Variants in LAMB1 observed in about 807,000 individuals in gnomAD.
The protein encoded by LAMB1 is laminin subunit beta-1.
Under a neutral mutation model 222.3 loss-of-function variants are expected in LAMB1, and 121 were observed. That is an observed-to-expected ratio of 0.54 (90% CI 0.47 to 0.63). LAMB1 has a LOEUF of 0.63. Ranked by LOEUF, LAMB1 falls within the 30% of genes least tolerant of loss-of-function variation. The pLI is 0.00. For synonymous variants in LAMB1, 794 were observed against 807.2 expected (o/e 0.98, Z 0.28); for missense variants, 2,172 against 2,240.8 (o/e 0.97, Z 0.62).
intron 31 of LAMB1, among the ~76,000 whole-genome samples, chr7:107,927,298 G>C (rs895891198): frequency 1.3e-5 from 2 of 152,168 alleles, no homozygotes; most frequent in African/African-American, 4.8e-5. Flanking sequence ...AGTTTAGTTA[G>C]AGGTTCTCTT....
intron 24 of LAMB1, among the ~76,000 whole-genome samples, chr7:107,945,656 C>A (rs1050942927): frequency 6.6e-5 from 10 of 152,254 alleles, no homozygotes; most frequent in African/African-American, 2.4e-4. Flanking sequence ...GATCCCAGTT[C>A]TTTCCTCACT....
At chr7:107,936,408 GAAA>G (rs976900798) in intron 26 of LAMB1, 29 of 152,242 alleles carry the variant, frequency 1.9e-4, no homozygotes, top group African/African-American at 6.7e-4. Context: ...GAGAGAAAAA[GAAA>G]GAAGTATATA....
intron 2 of LAMB1, chr7:108,002,029 G>C: frequency 6.9e-7 from 1 of 1,445,234 alleles, no homozygotes; most frequent in Non-Finnish European, 9.1e-7. Flanking sequence ...ATCAGCCCCG[G>C]GGAGCAGCTC....
At chr7:107,958,804 T>C (rs2033431269) in intron 20 of LAMB1, among the ~76,000 whole-genome samples, 1 of 152,206 alleles carries the variant, frequency 6.6e-6, no homozygotes, top group African/African-American at 2.4e-5. Flanking sequence ...AGGCATGTTT[T>C]ATAGAGTCTC....
Position 107,980,680 on chromosome 7 carries a change from T to C in LAMB1, c.808A>G (p.Asn270Asp), listed in dbSNP as rs1410324955. The stretch of plus-strand genomic sequence containing the variant: ...CTGGCATGACCATAGCAGAAGCAAT[T>C]TCCTCGAACCACCATATCATAAACT... ...YAVYDMVVRG[N>D]CFCYGHASEC... is the part of the protein sequence containing the mutation. The change falls in exon 8 of 34, where the codon AAT becomes GAT. Residue 270 changes from asparagine to aspartate, a missense_variant. Coordinates refer to ENST00000222399, the MANE Select transcript of LAMB1 (RefSeq NM_002291.3). 1.2e-6 allele frequency: 2 copies of C among 1,614,014 alleles called. No homozygotes were observed. The highest frequency in any genetic ancestry group is 1.7e-6 in the Non-Finnish European group (2 of 1,179,992).
intron 25 of LAMB1, among the ~76,000 whole-genome samples, 186 bp downstream of exon 25, chr7:107,939,803 G>A (rs928164200): frequency 2.0e-5 from 3 of 152,166 alleles, no homozygotes; most frequent in Admixed American, 6.5e-5. Flanking sequence ...CCCCACTGAT[G>A]TGCCAACGTT....
At chr7:107,934,204 T>C (rs1190611147) in intron 27 of LAMB1, among the ~76,000 whole-genome samples, 2 of 152,188 alleles carry the variant, frequency 1.3e-5, no homozygotes, top group African/African-American at 4.8e-5. Context: ...CAGAAGATAA[T>C]GAGTATGAAA....
rs553740748 is a variant in LAMB1 at position 107,969,096 on chromosome 7, G to A, written c.1562+3896C>T. ...GAGGTCAGGAGATTGAGACCATCCT[G>A]GCTAACACGGTGAAACCCCATCTCC... On this transcript the variant is annotated intron_variant, in intron 13 of 33. Transcript: ENST00000222399. 5.9e-5 allele frequency among the ~76,000 whole-genome samples: 9 copies of A among 152,172 alleles called. No individual in the cohort carries two copies. In the East Asian group the frequency reaches 1.2e-3, roughly 20 times the overall value.
intron 8 of LAMB1, 28 bp downstream of exon 8, chr7:107,980,581 G>A (rs769069699): frequency 1.2e-5 from 18 of 1,564,550 alleles, no homozygotes; most frequent in East Asian, 2.2e-5. Flanking sequence ...CCACATAAAG[G>A]AGAAAGGTGC....
At chr7:107,994,849 C>G (rs1450850408) in intron 5 of LAMB1, 38 bp downstream of exon 5, 1 of 1,169,722 alleles carries the variant, frequency 8.5e-7, no homozygotes, top group Non-Finnish European at 1.3e-6. Context: ...ACACAGTGCT[C>G]TCATGTGTCA....
Position 107,959,368 on chromosome 7 carries a change from C to G in LAMB1, c.2571G>C (p.Gly857=). The G allele has an allele frequency of 6.2e-7, 1 of 1,614,242 alleles. No homozygotes were observed. The highest frequency in any genetic ancestry group is 8.5e-7 in the Non-Finnish European group (1 of 1,180,046). The change falls in exon 20 of 34, where the codon GGG becomes GGC. Residue 857 remains glycine, a synonymous_variant. Coordinates refer to ENST00000222399, the MANE Select transcript of LAMB1 (RefSeq NM_002291.3). ...YARQCDRCLP[G]HWGFPSCQPC... ...GCTGGCAACTTGGAAAGCCCCAGTGCCCAGGTAAGCACCGATCACACTGCC... is the reference window on the plus strand; with the variant it reads ...GCTGGCAACTTGGAAAGCCCCAGTGGCCAGGTAAGCACCGATCACACTGCC...
intron 4 of LAMB1, among the ~76,000 whole-genome samples, chr7:107,996,351 T>TC (rs1484839152): frequency 2.0e-5 from 3 of 152,252 alleles, no homozygotes; most frequent in South Asian, 4.2e-4. Flanking sequence ...CATTCTTCTA[T>TC]AGTGTATTTG....
chr7:107,963,935 C>A (rs186307836), intron 14 of LAMB1, among the ~76,000 whole-genome samples: 4 of 152,310 alleles, frequency 2.6e-5, no homozygotes, highest in Admixed American at 6.5e-5. Context: ...CCCATCCCTA[C>A]TAAAAATACA....
intron 13 of LAMB1, among the ~76,000 whole-genome samples, chr7:107,969,404 A>AT (rs1384696266): frequency 1.3e-5 from 2 of 152,036 alleles, no homozygotes; most frequent in African/African-American, 4.8e-5. Context: ...TTACTAAGGA[A>AT]TTAGGCAGAA....
rs34631145 is a variant in LAMB1 at position 107,925,898 on chromosome 7, T to TAAA, written c.5064+282_5064+284dup. ...CTGGTTTTTGTCAATATAGTTGGTTTAAAAAAAAAAAAAAAGCCTGTTTTG... is the reference window on the plus strand; with the variant it reads ...CTGGTTTTTGTCAATATAGTTGGTTTAAAAAAAAAAAAAAAAAAGCCTGTTTTG... On this transcript the variant is annotated intron_variant, in intron 32 of 33. Transcript: ENST00000222399. Among the ~76,000 whole-genome samples the TAAA allele has an allele frequency of 2.2e-3, 309 of 142,922 alleles. 6 individuals carry two copies. The highest frequency in any genetic ancestry group is 0.018 in the South Asian group (81 of 4,516). 93.8% of individuals were successfully genotyped at this position (142,922 alleles called of 152,430 possible).
chr7:107,970,369 T>C (rs755710440), intron 13 of LAMB1, among the ~76,000 whole-genome samples: 1 of 151,534 alleles, frequency 6.6e-6, no homozygotes. Context: ...GTGCCTGTAG[T>C]CCCAACTACT....
In LAMB1 at chr7:107,953,579, C is replaced by A; in HGVS notation, c.3030G>T (p.Gln1010His). The A allele has an allele frequency of 1.2e-6, 2 of 1,614,198 alleles. No homozygotes were observed. Among genetic ancestry groups the A allele is most frequent in the Non-Finnish European group, 1.7e-6 (2 of 1,180,036 alleles). ...CACCATAGTATCCAAACCGGCAGAA[C>A]TGACAGTGTTCCCCTTCCGTGTGGT... The part of the protein sequence containing the change: ...CLYHTEGEHC[Q>H]FCRFGYYGDA... Residue 1010 changes from glutamine to histidine, a missense_variant, in exon 22 of 34, where the codon CAG becomes CAT. Coordinates refer to ENST00000222399, the MANE Select transcript of LAMB1 (RefSeq NM_002291.3).
intron 13 of LAMB1, among the ~76,000 whole-genome samples, chr7:107,965,684 ATTG>A (rs2033620277): frequency 6.6e-6 from 1 of 152,172 alleles, no homozygotes; most frequent in South Asian, 2.1e-4. Context: ...GTGGTTTGGA[ATTG>A]TTACTTTCAA....
intron 13 of LAMB1, among the ~76,000 whole-genome samples, chr7:107,970,732 T>G (rs1361633439): frequency 1.3e-5 from 2 of 149,164 alleles, no homozygotes; most frequent in African/African-American, 5.0e-5. Flanking sequence ...TAGGTCTTAT[T>G]ATTTTTTTTT....
Sources: gnomAD v4.1 joint callset for allele counts (sites outside exome capture counted in the v4.1 genomes callset) on GRCh38, gnomAD v4.1.1 for gene constraint, MANE v1.5 for transcripts, NCBI Gene and HGNC (gene_info 2026-07-23, HGNC 2026-07-21) for gene names.